KCNIP4: variants seen among roughly 807,000 people sequenced by gnomAD.
The protein encoded by KCNIP4 is Kv channel-interacting protein 4.
Under a neutral mutation model 34.0 loss-of-function variants are expected in KCNIP4, and 12 were observed. The ratio of observed to expected loss-of-function variants is 0.35; its 90% confidence interval spans 0.23 to 0.57. The LOEUF is 0.57. KCNIP4 is among the 20% of genes least tolerant of loss of function. The pLI, the probability that KCNIP4 is intolerant of heterozygous loss-of-function variation, is 0.83. For missense variants in KCNIP4, 238 were observed against 311.7 expected, an observed-to-expected ratio of 0.76 and a Z score of 1.78; for synonymous variants, 124 against 102.2, an observed-to-expected ratio of 1.21 and a Z score of -1.29.
At chr4:21,906,828 T>A (rs559414003) in intron 1 of KCNIP4, among the ~76,000 whole-genome samples, 1 of 152,210 alleles carries the variant, frequency 6.6e-6, no homozygotes, top group South Asian at 2.1e-4. Flanking sequence ...CATACATCAA[T>A]AAGGTATGCA....
At chr4:21,298,980 T>C (rs1337162814) in intron 1 of KCNIP4, among the ~76,000 whole-genome samples, 1 of 152,130 alleles carries the variant, frequency 6.6e-6, no homozygotes, top group Non-Finnish European at 1.5e-5. Context: ...TCTGATGGCC[T>C]GAGTTTGAAT....
At chr4:20,947,841 T>A (rs1046877604) in intron 1 of KCNIP4, among the ~76,000 whole-genome samples, 2 of 152,226 alleles carry the variant, frequency 1.3e-5, no homozygotes, top group Non-Finnish European at 2.9e-5. Context: ...CATCCCTACA[T>A]GCAGTTCCCT....
intron 1 of KCNIP4, among the ~76,000 whole-genome samples, chr4:21,132,853 C>CAAAAAAAAAA (rs71189683): frequency 8.6e-6 from 1 of 116,686 alleles, no homozygotes; most frequent in East Asian, 2.9e-4. Context: ...TACTAAACGA[C>CAAAAAAAAAA]AAAAAAAAAA....
intron 1 of KCNIP4, among the ~76,000 whole-genome samples, chr4:21,462,887 T>G (rs1025383192): frequency 1.3e-5 from 2 of 151,928 alleles, no homozygotes; most frequent in African/African-American, 4.8e-5. Context: ...ATTTATCCAT[T>G]TATTTATTCA....
At chr4:21,322,810 GAAGTT>G (rs1405253042) in intron 1 of KCNIP4, among the ~76,000 whole-genome samples, 8 of 151,978 alleles carry the variant, frequency 5.3e-5, no homozygotes, top group African/African-American at 9.7e-5. Context: ...TGGTGTCAAA[GAAGTT>G]AAGTAATACA....
At chr4:21,819,333 CA>C (rs574083897) in intron 1 of KCNIP4, among the ~76,000 whole-genome samples, 152 of 152,322 alleles carry the variant, frequency 1.0e-3, no homozygotes, top group African/African-American at 3.4e-3. Flanking sequence ...ACACAGCTCA[CA>C]ACATGCTGCA....
rs538444709 is a variant in KCNIP4 at position 20,908,204 on chromosome 4, A to T, written c.62-25495T>A. Among the ~76,000 whole-genome samples the T allele has an allele frequency of 6.0e-5, 9 of 149,614 alleles. No homozygotes were observed. In the South Asian group the frequency reaches 1.7e-3, roughly 28 times the overall value. Reference sequence around the variant, plus strand: ...AACTTCCGCCTGCTGGGTTCAAGCGATTCTCCTGCCTCAGCCTCCTGAGTA... The same window carrying T: ...AACTTCCGCCTGCTGGGTTCAAGCGTTTCTCCTGCCTCAGCCTCCTGAGTA... On this transcript the variant is annotated intron_variant, in intron 1 of 8. Coordinates refer to ENST00000382152, the MANE Select transcript of KCNIP4 (RefSeq NM_025221.6).
chr4:21,281,404 T>C (rs1762767422), intron 1 of KCNIP4, among the ~76,000 whole-genome samples: 1 of 152,054 alleles, frequency 6.6e-6, no homozygotes, highest in Non-Finnish European at 1.5e-5. Context: ...CAGCTACTCC[T>C]ATGGATGCAG....
chr4:20,950,202 A>G (rs1315331046), intron 1 of KCNIP4, among the ~76,000 whole-genome samples: 6 of 151,698 alleles, frequency 4.0e-5, no homozygotes, highest in Non-Finnish European at 7.4e-5. Flanking sequence ...CCTTACCAGG[A>G]AGATCTACAG....
At chr4:21,328,057 G>T (rs1030166446) in intron 1 of KCNIP4, among the ~76,000 whole-genome samples, 1 of 151,948 alleles carries the variant, frequency 6.6e-6, no homozygotes, top group African/African-American at 2.4e-5. Flanking sequence ...TTGGTAACTG[G>T]TGCCTTATTT....
At chr4:21,626,993 T>C (rs1745386431) in intron 1 of KCNIP4, among the ~76,000 whole-genome samples, 1 of 152,162 alleles carries the variant, frequency 6.6e-6, no homozygotes. Flanking sequence ...CCCGGCCTAG[T>C]CACTTTTAGT....
At chr4:21,764,503 G>A (rs1394453985) in intron 1 of KCNIP4, among the ~76,000 whole-genome samples, 1 of 152,088 alleles carries the variant, frequency 6.6e-6, no homozygotes, top group African/African-American at 2.4e-5. Context: ...AATGAAACAA[G>A]GTGTGTCATA....
At chr4:21,542,320 A>G (rs1228406191) in intron 1 of KCNIP4, among the ~76,000 whole-genome samples, 2 of 152,316 alleles carry the variant, frequency 1.3e-5, no homozygotes, top group Non-Finnish European at 1.5e-5. Flanking sequence ...AAAGTCAGTT[A>G]AGCCTAATAA....
intron 3 of KCNIP4, among the ~76,000 whole-genome samples, chr4:20,769,626 A>T (rs912212077): frequency 6.6e-6 from 1 of 152,202 alleles, no homozygotes; most frequent in Non-Finnish European, 1.5e-5. Context: ...CAAATGTATC[A>T]TCTCACACTT....
At chr4:21,175,451 T>G (rs189007097) in intron 1 of KCNIP4, among the ~76,000 whole-genome samples, 7 of 152,288 alleles carry the variant, frequency 4.6e-5, no homozygotes, top group Admixed American at 3.9e-4. Flanking sequence ...CTTCACAATT[T>G]CGTGGATAGA....
At chr4:21,767,649 T>C (rs1311082373) in intron 1 of KCNIP4, among the ~76,000 whole-genome samples, 22 of 152,016 alleles carry the variant, frequency 1.4e-4, no homozygotes, top group Non-Finnish European at 1.5e-5. Context: ...GAAAGAAAAC[T>C]TACAAAAAAT....
chr4:21,537,691 C>G (rs554357216), intron 1 of KCNIP4, among the ~76,000 whole-genome samples: 1 of 152,210 alleles, frequency 6.6e-6, no homozygotes, highest in South Asian at 2.1e-4. Flanking sequence ...TGAACCCAAT[C>G]TGACTTGTGT....
At chr4:20,939,719 T>A (rs1262442733) in intron 1 of KCNIP4, among the ~76,000 whole-genome samples, 3 of 152,176 alleles carry the variant, frequency 2.0e-5, no homozygotes, top group African/African-American at 7.2e-5. Context: ...CTGTGCTTCT[T>A]ATCTGAATTG....
At chr4:21,440,510 A>G (rs1351359833) in intron 1 of KCNIP4, among the ~76,000 whole-genome samples, 3 of 152,202 alleles carry the variant, frequency 2.0e-5, no homozygotes, top group Non-Finnish European at 4.4e-5. Context: ...CCCTGCAGTG[A>G]TTGCTTTGTT....
Sources: gnomAD v4.1 joint callset for allele counts (sites outside exome capture counted in the v4.1 genomes callset) on GRCh38, gnomAD v4.1.1 for gene constraint, MANE v1.5 for transcripts, NCBI Gene and HGNC (gene_info 2026-07-23, HGNC 2026-07-21) for gene names.